SF3A1: variants seen among roughly 807,000 people sequenced by gnomAD.
SF3A1 encodes splicing factor 3a subunit 1.
SF3A1 carries 13 observed loss-of-function variants against 89.9 expected under a neutral mutation model. The ratio of observed to expected loss-of-function variants is 0.14; its 90% CI spans 0.09 to 0.23. The LOEUF (loss-of-function observed/expected upper bound fraction) is 0.23. SF3A1 is among the 10% of genes least tolerant of loss of function. The pLI, the probability that SF3A1 is intolerant of heterozygous loss-of-function variation, is 1.00. For synonymous variants in SF3A1, 405 were observed against 374.4 expected (o/e 1.08, Z -0.94); for missense variants, 604 against 1,022.1 (o/e 0.59, Z 5.58).
intron 9 of SF3A1, 53 bp downstream of exon 9, chr22:30,340,143 A>T: frequency 7.2e-7 from 1 of 1,390,034 alleles, no homozygotes. Context: ...GCTTAGAAGA[A>T]GATGGCTGTA....
chr22:30,338,489 G>C (rs927263786), intron 11 of SF3A1, among the ~76,000 whole-genome samples: 1 of 148,006 alleles, frequency 6.8e-6, no homozygotes, highest in African/African-American at 2.5e-5. Flanking sequence ...CCGAGACCTC[G>C]ACTAAGTCTC....
In SF3A1 at chr22:30,333,161, G is replaced by A. The variant is rs1401593927; in HGVS notation, c.*1433C>T. The A allele has an allele frequency of 6.6e-6, 1 of 152,180 alleles. No homozygotes were observed. The highest frequency in any genetic ancestry group is 1.5e-5 in the Non-Finnish European group (1 of 68,046). 9.4% of individuals were successfully genotyped at this position (152,180 alleles called of 1,614,324 possible). ...AGAGGCAAATGTCAGACAGGATAAG[G>A]GATGACATCCCATCAATCAAGTTGA... On this transcript the variant is annotated 3_prime_UTR_variant, in exon 16 of 16. Coordinates refer to ENST00000215793, the MANE Select transcript of SF3A1 (RefSeq NM_005877.6).
At position 30,333,753 on chromosome 22, in the gene SF3A1, T is replaced by C. The variant is rs966412918; in HGVS notation, c.*841A>G. The C allele has an allele frequency of 2.0e-5, 3 of 152,372 alleles. No individual in the cohort carries two copies. Among genetic ancestry groups the C allele is most frequent in the Admixed American group, 6.5e-5 (1 of 15,308 alleles). 9.4% of individuals were successfully genotyped at this position (152,372 alleles called of 1,614,324 possible). A position where few individuals can be genotyped will look rare whatever the true frequency, so the allele number is the denominator to read the frequency against. Reference sequence around the variant, plus strand: ...TAAACTTTATCAAATCCTTGGTACATGACCTTAATACAATTAAGTATTTGT... The same window carrying C: ...TAAACTTTATCAAATCCTTGGTACACGACCTTAATACAATTAAGTATTTGT... On this transcript the variant is annotated 3_prime_UTR_variant, in exon 16 of 16. Transcript: ENST00000215793.
At chr22:30,355,663 T>C (rs1931776369) in intron 1 of SF3A1, among the ~76,000 whole-genome samples, 1 of 152,246 alleles carries the variant, frequency 6.6e-6, no homozygotes, top group Non-Finnish European at 1.5e-5. Context: ...CTTGTTCATT[T>C]ACTCTTGATC....
Position 30,334,212 on chromosome 22 carries a change from C to T in SF3A1, c.*382G>A, listed in dbSNP as rs1930997227. On this transcript the variant is annotated 3_prime_UTR_variant, in exon 16 of 16. Transcript: ENST00000215793. ...AAGGGTCCGAGTTTTATTAGACAAC[C>T]CATGTCAAGGTACAAAATGATTAAT... 5.9e-6 allele frequency: 1 copy of T among 170,294 alleles called. No individual in the cohort carries two copies. The highest frequency in any genetic ancestry group is 1.5e-4 in the South Asian group (1 of 6,888). 10.5% of individuals were successfully genotyped at this position (170,294 alleles called of 1,614,324 possible).
intron 2 of SF3A1, among the ~76,000 whole-genome samples, chr22:30,351,461 C>G (rs1931592493): frequency 6.6e-6 from 1 of 152,194 alleles, no homozygotes. Flanking sequence ...GGGCCTGCTT[C>G]CACACATGAA....
chr22:30,345,241 CAGGGG>C (rs3067186), intron 3 of SF3A1, 51 bp from the exon 4 acceptor site: 320,718 of 1,521,900 alleles, frequency 0.21, 38,589 homozygotes, highest in Middle Eastern at 0.26. Flanking sequence ...GAACAGGCTC[CAGGGG>C]AGGGGAGGGG....
intron 11 of SF3A1, among the ~76,000 whole-genome samples, chr22:30,338,296 T>TA (rs1481635609): frequency 6.6e-6 from 1 of 152,008 alleles, no homozygotes; most frequent in Non-Finnish European, 1.5e-5. Flanking sequence ...TCATCTCTAC[T>TA]AAAAATACAA....
rs963245614 is a variant in SF3A1, at chr22:30,344,849, G to C, written c.651+84C>G. On this transcript the variant is annotated intron_variant, in intron 4 of 15. Transcript: ENST00000215793. ...CCCATGGAGAAGCGATGTCCTTGTA[G>C]ACAGTGAGTGGACACAGTGCTTCCA... 98 of 1,488,914 alleles carry C rather than the reference G, an allele frequency of 6.6e-5. No individual in the cohort carries two copies. In the African/African-American group the frequency reaches 1.2e-3, roughly 18 times the overall value. The allele number at this position is 1,488,914 out of a possible 1,614,324, so 92.2% of individuals were successfully genotyped here.
intron 7 of SF3A1, 44 bp downstream of exon 7, chr22:30,341,648 C>T: frequency 6.4e-7 from 1 of 1,563,976 alleles, no homozygotes; most frequent in Non-Finnish European, 8.7e-7. Flanking sequence ...CCTCCTGGGG[C>T]TTCAGGGGAA....
chr22:30,335,399 A>G (rs1931033854), intron 15 of SF3A1, 68 bp downstream of exon 15: 1 of 1,345,856 alleles, frequency 7.4e-7, no homozygotes, highest in East Asian at 2.3e-5. Flanking sequence ...CTTCCATGAC[A>G]GATTTAGCTT....
Position 30,335,662 on chromosome 22 carries a change from A to G in SF3A1, c.2198T>C (p.Leu733Pro). ...TGGCAGTACCCATACCTGGTCCGTG[A>G]GTGGGAGGGTGAAGACCAGCACCTG... ...NGQVLVFTLP[L>P]TDQVSVIKVK... Residue 733 changes from leucine (L) to proline (P), a missense_variant, in exon 14 of 16, where the codon CTC becomes CCC. Transcript: ENST00000215793. 6.2e-7 allele frequency: 1 copy of G among 1,614,084 alleles called. No homozygotes were observed. The highest frequency in any genetic ancestry group is 8.5e-7 in the Non-Finnish European group (1 of 1,179,936).
intron 5 of SF3A1, 149 bp from the exon 6 acceptor site, chr22:30,342,499 C>G: frequency 8.3e-6 from 7 of 842,098 alleles, no homozygotes; most frequent in South Asian, 1.8e-5. Context: ...CACCTGGTTC[C>G]ACCCAGGTGC....
rs1051698267 is a variant in SF3A1, at chr22:30,337,965, C to T, written c.1744-68G>A. The T allele has an allele frequency of 5.3e-6, 6 of 1,121,814 alleles. No individual in the cohort carries two copies. In the Admixed American group the frequency reaches 5.9e-5, roughly 11 times the overall value. 69.5% of individuals were successfully genotyped at this position (1,121,814 alleles called of 1,614,324 possible). On this transcript the variant is annotated intron_variant, in intron 11 of 15. Transcript: ENST00000215793. ...GGACTCCAAGGTCACACACAGTTGG[C>T]AACTGGCTGCCTGCAGCTCTGAGGA...
At chr22:30,337,258 G>A (rs1284452390) in intron 12 of SF3A1, 78 bp from the exon 13 acceptor site, 4 of 1,376,052 alleles carry the variant, frequency 2.9e-6, no homozygotes, top group Non-Finnish European at 2.0e-6. Flanking sequence ...AGTTGAGAGG[G>A]AAGGTTGCAA....
intron 9 of SF3A1, among the ~76,000 whole-genome samples, chr22:30,339,827 G>C (rs1488113147): frequency 1.3e-5 from 2 of 152,230 alleles, no homozygotes; most frequent in African/African-American, 4.8e-5. Flanking sequence ...GCCACATGGT[G>C]TAAGTGGCAG....
chr22:30,353,334 T>C (rs1931657949), intron 1 of SF3A1, among the ~76,000 whole-genome samples: 1 of 152,184 alleles, frequency 6.6e-6, no homozygotes, highest in East Asian at 1.9e-4. Context: ...TCTGCATTTT[T>C]ACTATGGTAT....
At chr22:30,336,995 G>A in intron 13 of SF3A1, 31 bp downstream of exon 13, 1 of 1,613,922 alleles carries the variant, frequency 6.2e-7, no homozygotes, top group Non-Finnish European at 8.5e-7. Flanking sequence ...CCTCCAGCTA[G>A]AAACTTCAGC....
chr22:30,340,841 G>C (rs1439057078), intron 7 of SF3A1, 29 bp from the exon 8 acceptor site: 1 of 1,286,358 alleles, frequency 7.8e-7, no homozygotes, highest in Non-Finnish European at 1.1e-6. Context: ...GCAGGACTCA[G>C]AGAGGGGCTG....
Sources: allele counts gnomAD v4.1 joint callset (sites outside exome capture counted in the v4.1 genomes callset), GRCh38; gene constraint gnomAD v4.1.1; transcripts MANE v1.5; gene names NCBI Gene and HGNC (gene_info 2026-07-23, HGNC 2026-07-21).